The following C2orf49 variants were observed in gnomAD, a reference collection of about 807,000 sequenced individuals.
The protein encoded by C2orf49 is tRNA splicing ligase complex subunit 2.
A neutral mutation model predicts 20.6 loss-of-function variants in C2orf49; 11 were observed. That is an observed-to-expected ratio of 0.53 (90% CI 0.34 to 0.88). The LOEUF (loss-of-function observed/expected upper bound fraction) is 0.88, where lower values mean the gene tolerates loss of function less well. Ranked by LOEUF, C2orf49 falls within the 40% of genes least tolerant of loss-of-function variation. The probability of loss-of-function intolerance (pLI) is 0.02; values close to 1 mark genes in which losing one functional copy is unlikely to be tolerated. For synonymous variants in C2orf49, 134 were observed against 108.5 expected (o/e 1.24, Z -1.46); for missense variants, 289 against 274.2 (o/e 1.05, Z -0.38).
At position 105,347,702 on chromosome 2, in the gene C2orf49, C is replaced by T. The variant is rs1471300803; in HGVS notation, c.*2331C>T. ...CAGCTTGTCTTGAAATGTCTTTCTC[C>T]ACATAATGAAGCATGCTGAATGCTG... On this transcript the variant is annotated 3_prime_UTR_variant, in exon 4 of 4. Coordinates refer to ENST00000258457, the MANE Select transcript of C2orf49 (RefSeq NM_024093.3). 1.3e-5 allele frequency: 2 copies of T among 152,198 alleles called. No homozygotes were observed. The highest frequency in any genetic ancestry group is 4.8e-5 in the African/African-American group (2 of 41,458). 9.4% of individuals were successfully genotyped at this position (152,198 alleles called of 1,614,324 possible).
At chr2:105,373,459 G>A in the C2orf49 span, 32 of 1,300,498 alleles carry the variant, frequency 2.5e-5, no homozygotes, top group East Asian at 3.1e-4. Flanking sequence ...AAGTCAACAC[G>A]AGTGTCTGGA....
chr2:105,350,004 T>C (rs1397283850), downstream of C2orf49, among the ~76,000 whole-genome samples: 2 of 152,088 alleles, frequency 1.3e-5, no homozygotes, highest in Non-Finnish European at 2.9e-5. Flanking sequence ...CTTGCAGCCA[T>C]GTGAAAAAGC....
chr2:105,344,281 A>G (rs1483500133), intron 3 of C2orf49, among the ~76,000 whole-genome samples: 3 of 152,142 alleles, frequency 2.0e-5, no homozygotes, highest in Admixed American at 1.3e-4. Context: ...CCTTTCAGCT[A>G]CCTTTGTGGG....
At chr2:105,370,779 C>A in the C2orf49 span, among the ~76,000 whole-genome samples, 12 of 152,164 alleles carry the variant, frequency 7.9e-5, no homozygotes, top group Non-Finnish European at 1.3e-4. Flanking sequence ...TTCTTCTAGA[C>A]GCCCTGCCTT....
chr2:105,355,266 C>T, the C2orf49 span, among the ~76,000 whole-genome samples: 1 of 152,112 alleles, frequency 6.6e-6, no homozygotes, highest in Non-Finnish European at 1.5e-5. Flanking sequence ...GGCAGGCAAG[C>T]CGACTCTCAT....
the C2orf49 span, among the ~76,000 whole-genome samples, chr2:105,381,871 G>A: frequency 2.0e-5 from 3 of 152,058 alleles, no homozygotes; most frequent in Non-Finnish European, 4.4e-5. Flanking sequence ...ACTGGAGTAG[G>A]TGCTCTTCCC....
chr2:105,344,760 T>A (rs1035818230), intron 3 of C2orf49, among the ~76,000 whole-genome samples: 2 of 151,024 alleles, frequency 1.3e-5, no homozygotes, highest in African/African-American at 2.4e-5. Flanking sequence ...TTTTTTTTTT[T>A]ATTTTTGTAG....
the C2orf49 span, among the ~76,000 whole-genome samples, chr2:105,373,074 C>T: frequency 3.3e-5 from 5 of 152,144 alleles, no homozygotes; most frequent in East Asian, 1.9e-4. Flanking sequence ...TTTGACTGTC[C>T]GTCTAGAACA....
At chr2:105,374,277 G>A in the C2orf49 span, 1 of 157,258 alleles carries the variant, frequency 6.4e-6, no homozygotes, top group African/African-American at 2.4e-5. Flanking sequence ...CCGTGAGCTG[G>A]GGGAGGAAGG....
At chr2:105,378,432 C>T in the C2orf49 span, 6 of 298,558 alleles carry the variant, frequency 2.0e-5, no homozygotes, top group East Asian at 4.7e-4. Flanking sequence ...GCTATATCCC[C>T]TGGGAACCAT....
the C2orf49 span, among the ~76,000 whole-genome samples, chr2:105,357,071 C>A: frequency 2.6e-5 from 4 of 152,166 alleles, no homozygotes; most frequent in African/African-American, 7.2e-5. Context: ...CCTCAGCCTC[C>A]TGAGTAGCTG....
chr2:105,337,577 T>A lies in C2orf49; in HGVS notation c.-11T>A. The A allele has an allele frequency of 6.2e-7, 1 of 1,613,352 alleles. No homozygotes were observed. The highest frequency in any genetic ancestry group is 8.5e-7 in the Non-Finnish European group (1 of 1,179,946). ...TTGTGGGTAGCCGACTGGGGTCTCC[T>A]GGCGACGACCATGGCGGGGGATGTG... On this transcript the variant is annotated 5_prime_UTR_variant, in exon 1 of 4. Transcript: ENST00000258457.
chr2:105,375,020 G>A, the C2orf49 span, among the ~76,000 whole-genome samples: 1 of 152,222 alleles, frequency 6.6e-6, no homozygotes, highest in Non-Finnish European at 1.5e-5. Context: ...CGAAGCTGGA[G>A]TTATGCTGAA....
chr2:105,364,101 AC>A, the C2orf49 span, among the ~76,000 whole-genome samples: 1 of 152,136 alleles, frequency 6.6e-6, no homozygotes, highest in Admixed American at 6.6e-5. Context: ...TACTAAAAAT[AC>A]AAAAAATTAG....
chr2:105,352,768 AGTT>A (rs1219882395), downstream of C2orf49, among the ~76,000 whole-genome samples: 1 of 152,156 alleles, frequency 6.6e-6, no homozygotes, highest in Non-Finnish European at 1.5e-5. Context: ...TCTTAATCCC[AGTT>A]GTTCAATCTA....
At chr2:105,364,617 C>T in the C2orf49 span, among the ~76,000 whole-genome samples, 12 of 152,300 alleles carry the variant, frequency 7.9e-5, no homozygotes, top group African/African-American at 2.9e-4. Flanking sequence ...AGTAAGCTAT[C>T]AGAGAGGAGT....
rs1679822883 is a variant in C2orf49 at position 105,346,758 on chromosome 2, A to C, written c.*1387A>C. 1 of 152,114 alleles carries C rather than the reference A, an allele frequency of 6.6e-6. No individual in the cohort carries two copies. The highest frequency in any genetic ancestry group is 6.5e-5 in the Admixed American group (1 of 15,270). 9.4% of individuals were successfully genotyped at this position (152,114 alleles called of 1,614,324 possible). On this transcript the variant is annotated 3_prime_UTR_variant, in exon 4 of 4. Transcript: ENST00000258457. ...CAGCTGTAATATAGACAATTCCCAC[A>C]TGGCTGTTCTACACAGAATTACCTG...
the C2orf49 span, among the ~76,000 whole-genome samples, chr2:105,365,498 T>C: frequency 6.6e-6 from 1 of 152,106 alleles, no homozygotes; most frequent in African/African-American, 2.4e-5. Context: ...GCAACTCAGA[T>C]GAACTTCCGT....
chr2:105,383,875 CA>C, the C2orf49 span, among the ~76,000 whole-genome samples: 25 of 152,158 alleles, frequency 1.6e-4, no homozygotes, highest in Non-Finnish European at 3.1e-4. Flanking sequence ...CTTTTTGTTC[CA>C]AAATGTACAA....
Sources: gnomAD v4.1 joint callset for allele counts (sites outside exome capture counted in the v4.1 genomes callset) on GRCh38, gnomAD v4.1.1 for gene constraint, MANE v1.5 for transcripts, NCBI Gene and HGNC (gene_info 2026-07-23, HGNC 2026-07-21) for gene names.